The following GRIA2 variants were observed in gnomAD, a reference collection of about 807,000 sequenced individuals.
GRIA2 encodes glutamate ionotropic receptor AMPA type subunit 2, also known as glutamate receptor 2.
GRIA2 carries 14 observed loss-of-function variants against 97.3 expected under a neutral mutation model. The ratio of observed to expected loss-of-function variants is 0.14; its 90% CI spans 0.10 to 0.23. The LOEUF (loss-of-function observed/expected upper bound fraction) is 0.23, where lower values mean the gene tolerates loss of function less well. GRIA2 is among the 10% of genes least tolerant of loss of function. The pLI, the probability that GRIA2 is intolerant of heterozygous loss-of-function variation, is 1.00. For synonymous variants in GRIA2, 412 were observed against 387.8 expected (o/e 1.06, Z -0.73); for missense variants, 558 against 1,069.8 (o/e 0.52, Z 6.67).
intron 2 of GRIA2, among the ~76,000 whole-genome samples, chr4:157,299,757 A>G (rs1394120757): frequency 6.6e-6 from 1 of 152,206 alleles, no homozygotes; most frequent in Non-Finnish European, 1.5e-5. Context: ...GTCTTTTAGA[A>G]GGACTTGCCC....
chr4:157,254,609 C>T (rs1001375419), intron 2 of GRIA2, among the ~76,000 whole-genome samples: 4 of 151,950 alleles, frequency 2.6e-5, no homozygotes, highest in African/African-American at 9.7e-5. Context: ...TGTTAAGAAA[C>T]TGTCAAATTG....
intron 2 of GRIA2, among the ~76,000 whole-genome samples, chr4:157,231,752 GAA>G (rs1485289898): frequency 6.6e-6 from 1 of 152,054 alleles, no homozygotes; most frequent in African/African-American, 2.4e-5. Context: ...GTAGAACAGA[GAA>G]AAGTTTGTCT....
chr4:157,255,530 A>G (rs907258618), intron 2 of GRIA2, among the ~76,000 whole-genome samples: 4 of 152,050 alleles, frequency 2.6e-5, no homozygotes, highest in Non-Finnish European at 5.9e-5. Flanking sequence ...CCAACAGTGT[A>G]TAAGCATTCC....
At chr4:157,324,885 G>A (rs1287685247) in intron 6 of GRIA2, among the ~76,000 whole-genome samples, 2 of 152,124 alleles carry the variant, frequency 1.3e-5, no homozygotes, top group African/African-American at 4.8e-5. Context: ...TTACAGAAAG[G>A]GAGTGAAATA....
At chr4:157,353,434 G>A (rs1736105951) in intron 12 of GRIA2, among the ~76,000 whole-genome samples, 1 of 152,022 alleles carries the variant, frequency 6.6e-6, no homozygotes, top group Non-Finnish European at 1.5e-5. Context: ...ACTTTGGGAG[G>A]CCAAGGTGGG....
At position 157,361,676 on chromosome 4, in the gene GRIA2, G is replaced by A. The variant is rs1333324905; in HGVS notation, c.2406+552G>A. ...AGGTCAGTTGCTGCAGGTTTTATGT[G>A]AAAAAACAAAATCAAACACAAACAG... On this transcript the variant is annotated intron_variant, in intron 14 of 15. Coordinates refer to ENST00000264426, the MANE Select transcript of GRIA2 (RefSeq NM_001083619.3). This position sits in a 1 kb window ranked among gnomAD's most constrained non-coding sequence, Gnocchi z 5.2. 6.5e-7 allele frequency: 1 copy of A among 1,532,556 alleles called. No individual in the cohort carries two copies. The highest frequency in any genetic ancestry group is 1.7e-5 in the Admixed American group (1 of 59,332). The allele number at this position is 1,532,556 out of a possible 1,614,324, so 94.9% of individuals were successfully genotyped here. A position where few individuals can be genotyped will look rare whatever the true frequency, so the allele number is the denominator to read the frequency against.
At chr4:157,355,990 T>A (rs1271222686) in intron 12 of GRIA2, among the ~76,000 whole-genome samples, 10 of 82,956 alleles carry the variant, frequency 1.2e-4, no homozygotes, top group Admixed American at 3.7e-4. Context: ...TTTATATATT[T>A]ATATATATTT....
chr4:157,352,928 G>A (rs372043013), intron 12 of GRIA2, among the ~76,000 whole-genome samples: 5 of 151,826 alleles, frequency 3.3e-5, no homozygotes, highest in Admixed American at 6.6e-5. Context: ...GCGTGTTGGC[G>A]GGCGCCTGTA....
chr4:157,266,879 T>C (rs1184943265), intron 2 of GRIA2, among the ~76,000 whole-genome samples: 2 of 151,348 alleles, frequency 1.3e-5, no homozygotes, highest in Non-Finnish European at 2.9e-5. Flanking sequence ...GGCAGCAGAG[T>C]GAGACTCTGT....
chr4:157,342,374 G>A (rs1735585570), intron 12 of GRIA2: 1 of 984,998 alleles, frequency 1.0e-6, no homozygotes, highest in African/African-American at 1.7e-5. Flanking sequence ...AAGATACTAT[G>A]GGAGAAAGGG....
At chr4:157,317,781 G>A (rs1734390981) in intron 5 of GRIA2, 70 bp downstream of exon 5, 2 of 683,634 alleles carry the variant, frequency 2.9e-6, no homozygotes, top group Non-Finnish European at 5.2e-6. Context: ...ATTTTGAATG[G>A]CCAGCATTTA....
Position 157,259,344 on chromosome 4 carries a change from G to A in GRIA2, c.229+37537G>A, listed in dbSNP as rs187094989. On this transcript the variant is annotated intron_variant, in intron 2 of 15. Coordinates refer to ENST00000264426, the MANE Select transcript of GRIA2 (RefSeq NM_001083619.3). The stretch of plus-strand genomic sequence containing the variant: ...TCCAGCATACTGGGATTGGGGAGAC[G>A]TCTGCTATTGTAGTGAAGCTCCCTT... Among the ~76,000 whole-genome samples the A allele has an allele frequency of 2.6e-5, 4 of 152,220 alleles. No homozygotes were observed. The East Asian group carries it at 5.8e-4, about 22-fold the overall frequency.
chr4:157,243,463 G>T (rs192122532), intron 2 of GRIA2, among the ~76,000 whole-genome samples: 8 of 152,044 alleles, frequency 5.3e-5, no homozygotes, highest in African/African-American at 1.9e-4. Context: ...AAATGAACAC[G>T]CTTATTCTCC....
At chr4:157,340,523 G>T (rs1256562818) in intron 11 of GRIA2, among the ~76,000 whole-genome samples, 2 of 151,784 alleles carry the variant, frequency 1.3e-5, no homozygotes, top group South Asian at 2.1e-4. Flanking sequence ...CATCAAACTA[G>T]AAATTTATGT....
At chr4:157,333,404 T>A (rs1735145903) in intron 8 of GRIA2, 51 bp downstream of exon 8, 1 of 887,228 alleles carries the variant, frequency 1.1e-6, no homozygotes, top group African/African-American at 1.7e-5. Flanking sequence ...GTGAGTTAGC[T>A]AGCCTATGAG....
At chr4:157,240,767 G>C (rs1006685984) in intron 2 of GRIA2, among the ~76,000 whole-genome samples, 2 of 151,116 alleles carry the variant, frequency 1.3e-5, no homozygotes, top group Non-Finnish European at 2.9e-5. Context: ...GTGCAGGTTA[G>C]TTACATATGT....
chr4:157,242,044 T>C (rs533623577), intron 2 of GRIA2, among the ~76,000 whole-genome samples: 1 of 152,254 alleles, frequency 6.6e-6, no homozygotes, highest in Non-Finnish European at 1.5e-5. Context: ...TGTAAAACCT[T>C]ATATTCACAA....
At chr4:157,272,143 C>A (rs147790913) in intron 2 of GRIA2, among the ~76,000 whole-genome samples, 1 of 151,878 alleles carries the variant, frequency 6.6e-6, no homozygotes, top group African/African-American at 2.4e-5. Flanking sequence ...CAAAGCAACC[C>A]TATGAAGTAG....
chr4:157,230,011 A>G (rs1729928607), intron 2 of GRIA2, among the ~76,000 whole-genome samples: 1 of 152,216 alleles, frequency 6.6e-6, no homozygotes, highest in South Asian at 2.1e-4. Flanking sequence ...GTTAAAGCAT[A>G]GTAGAATATT....
Sources: gnomAD v4.1 joint callset for allele counts (sites outside exome capture counted in the v4.1 genomes callset) on GRCh38, gnomAD v4.1.1 for gene constraint, Gnocchi (gnomAD v3.1) non-coding constraint, MANE v1.5 for transcripts, NCBI Gene and HGNC (gene_info 2026-07-23, HGNC 2026-07-21) for gene names.